Variants in PPP2R2C observed in about 807,000 individuals in gnomAD.
The protein encoded by PPP2R2C is protein phosphatase 2 regulatory subunit Bgamma, also known as protein phosphatase 2, regulatory subunit B, gamma.
Under a neutral mutation model 45.3 loss-of-function variants are expected in PPP2R2C, and 10 were observed. The observed-to-expected ratio is 0.22, with a 90% CI of 0.14 to 0.37. The LOEUF (loss-of-function observed/expected upper bound fraction) is 0.37. Ranked by LOEUF, PPP2R2C falls within the 10% of genes least tolerant of loss-of-function variation. The probability of loss-of-function intolerance (pLI) is 1.00; values close to 1 mark genes in which losing one functional copy is unlikely to be tolerated. For synonymous variants in PPP2R2C, 257 were observed against 245.4 expected, an observed-to-expected ratio of 1.05 and a Z score of -0.44; for missense variants, 308 against 619.7, an observed-to-expected ratio of 0.50 and a Z score of 5.34.
chr4:6,425,623 C>A (rs955719939), intron 1 of PPP2R2C, among the ~76,000 whole-genome samples: 14 of 152,196 alleles, frequency 9.2e-5, no homozygotes, highest in African/African-American at 3.1e-4. Context: ...CCTTTTTGCA[C>A]AGGCTGCCTG....
chr4:6,460,023 C>A (rs1721245506), intron 1 of PPP2R2C, among the ~76,000 whole-genome samples: 1 of 152,144 alleles, frequency 6.6e-6, no homozygotes, highest in Admixed American at 6.5e-5. Flanking sequence ...GATGCCCTCA[C>A]AACACTGCTC....
chr4:6,473,194 T>C (rs1722008587), upstream of PPP2R2C, among the ~76,000 whole-genome samples: 1 of 151,922 alleles, frequency 6.6e-6, no homozygotes, highest in African/African-American at 2.4e-5. Flanking sequence ...CTCTGAGATC[T>C]CTCCTCATGC....
At chr4:6,469,077 CAAAAAAAAAAAAAAAA>C (rs142008829) in intron 1 of PPP2R2C, among the ~76,000 whole-genome samples, 2 of 56,154 alleles carry the variant, frequency 3.6e-5, no homozygotes, top group Admixed American at 2.7e-4. Flanking sequence ...GCCCTGCCAC[CAAAAAAAAAAAAAAAA>C]AAAAAAAAAA....
chr4:6,505,626 TAG>T (rs753197253), intron 2 of PPP2R2C, among the ~76,000 whole-genome samples: 3 of 152,232 alleles, frequency 2.0e-5, no homozygotes, highest in Non-Finnish European at 4.4e-5. Flanking sequence ...AATGCAGAGA[TAG>T]AGATTTAAAA....
chr4:6,390,681 C>T (rs890156029), intron 1 of PPP2R2C, among the ~76,000 whole-genome samples: 2 of 152,160 alleles, frequency 1.3e-5, no homozygotes, highest in East Asian at 3.9e-4. Flanking sequence ...GACCTCATTC[C>T]GGGCCAGGGA....
At chr4:6,326,846 C>T (rs1399417335) in intron 8 of PPP2R2C, among the ~76,000 whole-genome samples, 6 of 152,226 alleles carry the variant, frequency 3.9e-5, no homozygotes, top group Non-Finnish European at 5.9e-5. Flanking sequence ...GCAGCCACCA[C>T]GCGGCAGCAG....
intron 1 of PPP2R2C, chr4:6,421,152 AC>A: frequency 1.0e-6 from 1 of 983,920 alleles, no homozygotes; most frequent in Non-Finnish European, 1.2e-6. Flanking sequence ...CCCATCACAC[AC>A]CACTTCCTGG....
At chr4:6,335,482 A>C (rs1301102225) in intron 6 of PPP2R2C, among the ~76,000 whole-genome samples, 1 of 152,154 alleles carries the variant, frequency 6.6e-6, no homozygotes, top group Non-Finnish European at 1.5e-5. Flanking sequence ...CAGGGGGAAC[A>C]GGGACGCAAG....
In PPP2R2C at chr4:6,321,174, T is replaced by C. The variant is rs778121975; in HGVS notation, c.*2128A>G. The C allele has an allele frequency of 1.3e-5, 2 of 152,376 alleles. No homozygotes were observed. The highest frequency in any genetic ancestry group is 2.1e-4 in the South Asian group (1 of 4,832). The allele number at this position is 152,376 out of a possible 1,614,324, so 9.4% of individuals were successfully genotyped here. A position where few individuals can be genotyped will look rare whatever the true frequency, so the allele number is the denominator to read the frequency against. ...ACATGTAAGATTTGTACTTTGAAGA[T>C]GGTAAATGTTAAATCTATGATGTGA... On this transcript the variant is annotated 3_prime_UTR_variant, in exon 9 of 9. Transcript: ENST00000382599.
chr4:6,352,021 G>A (rs1469814997), intron 5 of PPP2R2C, among the ~76,000 whole-genome samples: 1 of 152,236 alleles, frequency 6.6e-6, no homozygotes, highest in African/African-American at 2.4e-5. Flanking sequence ...GACAAGGGAA[G>A]TAGCTGTGGG....
intron 2 of PPP2R2C, among the ~76,000 whole-genome samples, chr4:6,485,385 C>A (rs1258005963): frequency 6.6e-6 from 1 of 151,776 alleles, no homozygotes; most frequent in East Asian, 1.9e-4. Flanking sequence ...GGTAACTCTG[C>A]CCCACAGAAT....
chr4:6,512,248 G>A (rs1262506491), intron 2 of PPP2R2C, among the ~76,000 whole-genome samples: 2 of 69,452 alleles, frequency 2.9e-5, no homozygotes, highest in Non-Finnish European at 3.0e-5. Context: ...GGGGGTGGTG[G>A]TGGTGATGGT....
intron 5 of PPP2R2C, among the ~76,000 whole-genome samples, chr4:6,369,653 C>A (rs1279444940): frequency 6.6e-6 from 1 of 152,206 alleles, no homozygotes; most frequent in Non-Finnish European, 1.5e-5. Context: ...CCTTCTGCCT[C>A]CTCATGCATC....
intron 2 of PPP2R2C, among the ~76,000 whole-genome samples, chr4:6,505,704 G>C (rs1162337533): frequency 2.0e-5 from 3 of 152,170 alleles, no homozygotes; most frequent in Non-Finnish European, 4.4e-5. Flanking sequence ...GGTGGCTCAC[G>C]CCTGTCATCC....
At chr4:6,335,074 C>T (rs996104408) in intron 6 of PPP2R2C, among the ~76,000 whole-genome samples, 20 of 152,214 alleles carry the variant, frequency 1.3e-4, no homozygotes, top group Non-Finnish European at 5.9e-5. Flanking sequence ...TGGACTCATT[C>T]ATTCATTCAT....
chr4:6,340,937 C>T (rs1421852370), intron 6 of PPP2R2C, among the ~76,000 whole-genome samples: 1 of 152,276 alleles, frequency 6.6e-6, no homozygotes, highest in Non-Finnish European at 1.5e-5. Context: ...GGGAGCTTTG[C>T]CCTGGTCCTG....
At chr4:6,507,446 A>T (rs1156410836) in intron 2 of PPP2R2C, among the ~76,000 whole-genome samples, 1 of 152,068 alleles carries the variant, frequency 6.6e-6, no homozygotes, top group Non-Finnish European at 1.5e-5. Flanking sequence ...TGCAGTTTCC[A>T]CTCTTGCCCT....
intron 2 of PPP2R2C, among the ~76,000 whole-genome samples, chr4:6,520,737 G>A (rs1723992545): frequency 6.6e-6 from 1 of 152,336 alleles, no homozygotes; most frequent in Non-Finnish European, 1.5e-5. Context: ...CCTGGGAGCT[G>A]TGGTGTGGCT....
rs551633879 is a variant in PPP2R2C at position 6,327,877 on chromosome 4, A to C, written c.1052+1385T>G. ...GCTCCAGGATGTTGGCAACTCTCTC[A>C]GAAATCTCCTTCCCTGGACACAATG... On this transcript the variant is annotated intron_variant, in intron 8 of 8. Transcript: ENST00000382599. Among the ~76,000 whole-genome samples, 9 of 152,292 alleles carry C rather than the reference A, an allele frequency of 5.9e-5. 1 individual carries two copies. In the South Asian group the frequency reaches 1.2e-3, roughly 21 times the overall value.
Sources: gnomAD v4.1 joint callset for allele counts (sites outside exome capture counted in the v4.1 genomes callset) on GRCh38, gnomAD v4.1.1 for gene constraint, MANE v1.5 for transcripts, NCBI Gene and HGNC (gene_info 2026-07-23, HGNC 2026-07-21) for gene names.